CDK18: variants seen among roughly 807,000 people sequenced by gnomAD.
CDK18 encodes the protein cyclin-dependent kinase 18.
In CDK18, 52 loss-of-function variants were observed where a neutral mutation model predicts 62.0. That is an observed-to-expected ratio of 0.84 (90% CI 0.67 to 1.06). The LOEUF (loss-of-function observed/expected upper bound fraction) is 1.06. Among genes scored for constraint, CDK18 ranks in the 50% least tolerant of loss-of-function variants. CDK18 has a pLI of 0.00. For missense variants in CDK18, 604 were observed against 619.9 expected (o/e 0.97, Z 0.27); for synonymous variants, 237 against 247.0 (o/e 0.96, Z 0.38).
In CDK18 at chr1:205,529,295, G is replaced by A. The variant is rs374078374; in HGVS notation, c.1073-29G>A. ...GGCCTTGGCCCTGGGCCTCACGCAG[G>A]CCCTCCCCACCCTCTCTCGTCTCCC... On this transcript the variant is annotated intron_variant, in intron 11 of 15. Coordinates refer to ENST00000429964, the MANE Select transcript of CDK18 (RefSeq NM_212502.3). 1.1e-5 allele frequency: 18 copies of A among 1,591,840 alleles called. No homozygotes were observed. In the African/African-American group the frequency reaches 1.3e-4, roughly 12 times the overall value.
At chr1:205,529,701 C>T (rs1271825941) in intron 13 of CDK18, 138 bp downstream of exon 13, 2 of 1,548,642 alleles carry the variant, frequency 1.3e-6, no homozygotes, top group East Asian at 2.4e-5. Context: ...ACTCTCCACC[C>T]CCAAGGCCAA....
chr1:205,526,094 C>T lies in CDK18; in HGVS notation c.486C>T (p.Arg162=). The T allele has an allele frequency of 3.7e-6, 6 of 1,613,906 alleles. No homozygotes were observed. Among genetic ancestry groups the T allele is most frequent in the Non-Finnish European group, 5.1e-6 (6 of 1,179,896 alleles). The part of the protein sequence containing the change: ...EGTYATVFKG[R]SKLTENLVAL... ...CCTATGCCACAGTCTTCAAAGGGCGCAGCAAACTGACGGAGAACCTTGTGG... is the reference window on the plus strand; with the variant it reads ...CCTATGCCACAGTCTTCAAAGGGCGTAGCAAACTGACGGAGAACCTTGTGG... The change falls in exon 6 of 16, where the codon CGC becomes CGT. Residue 162 remains arginine (R), a synonymous_variant. Coordinates refer to ENST00000429964, the MANE Select transcript of CDK18 (RefSeq NM_212502.3).
chr1:205,529,347 C>T lies in CDK18; in HGVS notation c.1096C>T (p.Pro366Ser), dbSNP rs114108094. The T allele has an allele frequency of 3.0e-4, 485 of 1,613,936 alleles. 1 individual carries two copies. In the African/African-American group the frequency reaches 5.9e-3, roughly 20 times the overall value. Residue 366 changes from proline to serine, a missense_variant, in exon 12 of 16, where the codon CCC becomes TCC. Physicochemically the swap from Pro to Ser is moderately conservative, Grantham distance 74. Transcript: ENST00000429964. Reference sequence around the variant, plus strand: ...AGGGACCCCCACAGAAGAGACGTGGCCCGGCGTGACCGCCTTCTCTGAGTT... The same window carrying T: ...AGGGACCCCCACAGAAGAGACGTGGTCCGGCGTGACCGCCTTCTCTGAGTT... ...LLGTPTEETW[P>S]GVTAFSEFRT...
chr1:205,528,238 TC>T lies in CDK18; in HGVS notation c.974+74del. 6.4e-7 allele frequency: 1 copy of T among 1,564,006 alleles called. No individual in the cohort carries two copies. Among genetic ancestry groups the T allele is most frequent in the Middle Eastern group, 2.3e-4 (1 of 4,342 alleles). On this transcript the variant is annotated intron_variant, in intron 10 of 15. Transcript: ENST00000429964. This position sits in a 1 kb window ranked among gnomAD's most constrained non-coding sequence, Gnocchi z 4.2. ...CCACACCTCCAGACTCTCCTTTGCT[TC>T]CCCAAGGGCCTCGGGGAAGAACTGC...
chr1:205,520,539 A>C (rs1668065122), intron 1 of CDK18, among the ~76,000 whole-genome samples: 1 of 151,970 alleles, frequency 6.6e-6, no homozygotes, highest in Non-Finnish European at 1.5e-5. Context: ...GTCTCTACTG[A>C]AAACACAAAA....
At chr1:205,525,491 C>T (rs1318891212) in intron 5 of CDK18, among the ~76,000 whole-genome samples, 1 of 152,168 alleles carries the variant, frequency 6.6e-6, no homozygotes, top group Non-Finnish European at 1.5e-5. Context: ...CTAGCTCCAC[C>T]ATTTACTAGC....
In CDK18 at chr1:205,528,817, A is replaced by G. The variant is rs1019529167; in HGVS notation, c.975-182A>G. 2 of 472,334 alleles carry G rather than the reference A, an allele frequency of 4.2e-6. No individual in the cohort carries two copies. The highest frequency in any genetic ancestry group is 5.4e-4 in the Middle Eastern group (1 of 1,866). The allele number at this position is 472,334 out of a possible 1,614,324, so 29.3% of individuals were successfully genotyped here. On this transcript the variant is annotated intron_variant, in intron 10 of 15. Transcript: ENST00000429964. The surrounding 1 kb of genome is among the most constrained non-coding windows in gnomAD (Gnocchi z 4.2). ...CCGAGCCCAGGGAAGCCCCCCAGAG[A>G]GGGGCTGTAGTGGGGGCTGGGCAGT...
intron 4 of CDK18, 113 bp from the exon 5 acceptor site, chr1:205,525,026 C>T (rs1238342890): frequency 3.3e-6 from 2 of 611,116 alleles, no homozygotes; most frequent in Admixed American, 2.6e-5. Flanking sequence ...GGAGCCCCTT[C>T]CACCATGGAG....
At chr1:205,514,789 G>A (rs1349120585) in intron 1 of CDK18, among the ~76,000 whole-genome samples, 2 of 152,160 alleles carry the variant, frequency 1.3e-5, no homozygotes, top group African/African-American at 4.8e-5. Context: ...AAAATGTTAA[G>A]GCCCCATTCT....
intron 3 of CDK18, 31 bp downstream of exon 3, chr1:205,523,656 G>A (rs1668266001): frequency 2.6e-6 from 4 of 1,553,280 alleles, no homozygotes; most frequent in Admixed American, 2.0e-5. Context: ...GCCCCGGCAG[G>A]TGGCAGGATG....
At chr1:205,515,520 A>G (rs1667776730) in intron 1 of CDK18, among the ~76,000 whole-genome samples, 3 of 152,202 alleles carry the variant, frequency 2.0e-5, no homozygotes, top group Admixed American at 6.5e-5. Flanking sequence ...ATCAGAAAGC[A>G]GCTGAGAAAG....
rs1310916191 is a variant in CDK18 at position 205,516,619 on chromosome 1, G to A, written c.-21-6528G>A. On this transcript the variant is annotated intron_variant, in intron 1 of 15. Transcript: ENST00000429964. This position sits in a 1 kb window ranked among gnomAD's most constrained non-coding sequence, Gnocchi z 4.8. ...CAGCACCAGGCATAGAGACCAACGT[G>A]CTCCAGATGAGGGAGACAGGTGAAA... Among the ~76,000 whole-genome samples, 1 of 152,200 alleles carries A rather than the reference G, an allele frequency of 6.6e-6. No homozygotes were observed. The highest frequency in any genetic ancestry group is 1.5e-5 in the Non-Finnish European group (1 of 68,032).
chr1:205,526,986 C>G (rs935585473), intron 8 of CDK18, 149 bp downstream of exon 8: 1 of 661,348 alleles, frequency 1.5e-6, no homozygotes, highest in African/African-American at 1.8e-5. Context: ...ATGCCATCAA[C>G]GAGTCCAGGA....
At position 205,529,812 on chromosome 1, in the gene CDK18, C is replaced by G. The variant is rs745824800; in HGVS notation, c.1221+249C>G. On this transcript the variant is annotated intron_variant, in intron 13 of 15. Transcript: ENST00000429964. Reference sequence around the variant, plus strand: ...GGCAAGTTACAGAGCTCCTCCATGCCTCAGTTTCCTCAGCTGCAAAGTGGG... The same window carrying G: ...GGCAAGTTACAGAGCTCCTCCATGCGTCAGTTTCCTCAGCTGCAAAGTGGG... The G allele has an allele frequency of 5.0e-6, 7 of 1,393,452 alleles. No homozygotes were observed. In the South Asian group the frequency reaches 9.3e-5, roughly 18 times the overall value. 86.3% of individuals were successfully genotyped at this position (1,393,452 alleles called of 1,614,324 possible). A position where few individuals can be genotyped will look rare whatever the true frequency, so the allele number is the denominator to read the frequency against.
Position 205,526,096 on chromosome 1 carries a change from G to T in CDK18, c.488G>T (p.Ser163Ile), listed in dbSNP as rs1208824529. Residue 163 changes from serine (S) to isoleucine (I), a missense_variant, in exon 6 of 16, where the codon AGC becomes ATC. Coordinates refer to ENST00000429964, the MANE Select transcript of CDK18 (RefSeq NM_212502.3). Reference sequence around the variant, plus strand: ...TATGCCACAGTCTTCAAAGGGCGCAGCAAACTGACGGAGAACCTTGTGGCC... The same window carrying T: ...TATGCCACAGTCTTCAAAGGGCGCATCAAACTGACGGAGAACCTTGTGGCC... ...GTYATVFKGR[S>I]KLTENLVALK... 6.2e-7 allele frequency: 1 copy of T among 1,613,906 alleles called. No homozygotes were observed. The highest frequency in any genetic ancestry group is 8.5e-7 in the Non-Finnish European group (1 of 1,179,900).
chr1:205,524,332 G>T lies in CDK18; in HGVS notation c.374G>T (p.Ser125Ile), dbSNP rs754052919. 22 of 1,614,076 alleles carry T rather than the reference G, an allele frequency of 1.4e-5. No homozygotes were observed. The highest frequency in any genetic ancestry group is 1.9e-5 in the Non-Finnish European group (22 of 1,180,046). The change falls in exon 4 of 16, where the codon AGC becomes ATC. Residue 125 changes from serine (S) to isoleucine (I), a missense_variant. Coordinates refer to ENST00000429964, the MANE Select transcript of CDK18 (RefSeq NM_212502.3). ...MESPDLPKPL[S>I]RMSRRASLSD... ...AGCCCAGATCTGCCCAAGCCGCTCA[G>T]CCGCATGTCCCGCCGGGCCTCCCTG...
rs754007824 is a variant in CDK18, at chr1:205,529,304, A to G, written c.1073-20A>G. The G allele has an allele frequency of 6.2e-7, 1 of 1,601,888 alleles. No homozygotes were observed. Among genetic ancestry groups the G allele is most frequent in the South Asian group, 1.1e-5 (1 of 90,350 alleles). ...CCTGGGCCTCACGCAGGCCCTCCCCACCCTCTCTCGTCTCCCCAGGGACCC... is the reference window on the plus strand; with the variant it reads ...CCTGGGCCTCACGCAGGCCCTCCCCGCCCTCTCTCGTCTCCCCAGGGACCC... On this transcript the variant is annotated intron_variant, in intron 11 of 15. Transcript: ENST00000429964.
chr1:205,525,806 G>A (rs1668393438), intron 5 of CDK18, among the ~76,000 whole-genome samples: 2 of 152,204 alleles, frequency 1.3e-5, no homozygotes, highest in African/African-American at 4.8e-5. Flanking sequence ...CATCGTATAA[G>A]GAAGAAAAAA....
intron 1 of CDK18, among the ~76,000 whole-genome samples, chr1:205,505,538 G>A (rs1245299215): frequency 1.3e-5 from 2 of 152,216 alleles, no homozygotes; most frequent in African/African-American, 4.8e-5. Flanking sequence ...GGGGCCGGGG[G>A]GAGTGGGCGG....
Sources: gnomAD v4.1 joint callset for allele counts (sites outside exome capture counted in the v4.1 genomes callset) on GRCh38, gnomAD v4.1.1 for gene constraint, Gnocchi (gnomAD v3.1) non-coding constraint, MANE v1.5 for transcripts, NCBI Gene and HGNC (gene_info 2026-07-23, HGNC 2026-07-21) for gene names.